Variants in NCKAP5 observed in about 807,000 individuals in gnomAD.
NCKAP5 encodes nck-associated protein 5.
NCKAP5 carries 92 observed loss-of-function variants against 167.0 expected under a neutral mutation model. The ratio of observed to expected loss-of-function variants is 0.55; its 90% confidence interval spans 0.47 to 0.66. The LOEUF (loss-of-function observed/expected upper bound fraction) is 0.66. NCKAP5 is among the 30% of genes least tolerant of loss of function. NCKAP5 has a pLI of 0.00. For synonymous variants in NCKAP5, 891 were observed against 877.4 expected (o/e 1.02, Z -0.27); for missense variants, 2,378 against 2,315.0 (o/e 1.03, Z -0.56).
chr2:132,711,377 C>A (rs963614866), intron 19 of NCKAP5, among the ~76,000 whole-genome samples: 2 of 152,160 alleles, frequency 1.3e-5, no homozygotes, highest in African/African-American at 4.8e-5. Context: ...ATCAAAAGGG[C>A]ACCTTTCAAA....
At chr2:133,241,723 C>A (rs908626716) in intron 4 of NCKAP5, among the ~76,000 whole-genome samples, 1 of 152,144 alleles carries the variant, frequency 6.6e-6, no homozygotes, top group African/African-American at 2.4e-5. Context: ...TCACATATCC[C>A]AGGAACGTGG....
In NCKAP5 at chr2:133,415,248, G is replaced by T. The variant is rs929751993; in HGVS notation, c.69+102210C>A. Among the ~76,000 whole-genome samples the T allele has an allele frequency of 4.6e-5, 7 of 152,362 alleles. No individual in the cohort carries two copies. In the Middle Eastern group the frequency reaches 0.01, roughly 222 times the overall value. The stretch of plus-strand genomic sequence containing the variant: ...TCCTTGCAAAATGCCTGCAGTCTGA[G>T]ATTTGGCTGTTGCCAGTGGCCACTA... On this transcript the variant is annotated intron_variant, in intron 3 of 19. Transcript: ENST00000409261.
At chr2:133,600,490 G>A in the NCKAP5 span, among the ~76,000 whole-genome samples, 15 of 152,328 alleles carry the variant, frequency 9.8e-5, no homozygotes, top group East Asian at 1.9e-4. Flanking sequence ...CCGTCGGGGC[G>A]CCTTTGAGAA....
chr2:133,613,676 T>C, the NCKAP5 span, among the ~76,000 whole-genome samples: 16 of 152,188 alleles, frequency 1.1e-4, no homozygotes, highest in Non-Finnish European at 1.9e-4. Context: ...AGAAATGTCC[T>C]GCACAGCCTC....
the NCKAP5 span, among the ~76,000 whole-genome samples, chr2:133,595,233 T>C: frequency 1.3e-5 from 2 of 152,248 alleles, no homozygotes; most frequent in East Asian, 1.9e-4. Flanking sequence ...ACTTTTGTTT[T>C]GTATTGTTTT....
intron 5 of NCKAP5, among the ~76,000 whole-genome samples, chr2:133,171,183 A>G (rs1165847809): frequency 1.3e-5 from 2 of 152,130 alleles, no homozygotes; most frequent in Non-Finnish European, 2.9e-5. Context: ...AAAGGCAACA[A>G]CCTGTTTTTC....
At chr2:133,078,630 G>A (rs1177324515) in intron 6 of NCKAP5, among the ~76,000 whole-genome samples, 2 of 152,072 alleles carry the variant, frequency 1.3e-5, no homozygotes, top group Non-Finnish European at 2.9e-5. Flanking sequence ...ACCAAGACAA[G>A]GAGAATGAGA....
intron 3 of NCKAP5, among the ~76,000 whole-genome samples, chr2:133,508,545 C>T (rs535325100): frequency 1.3e-5 from 2 of 152,286 alleles, no homozygotes; most frequent in South Asian, 4.1e-4. Flanking sequence ...CATTCCTGTG[C>T]TGATCAATGA....
chr2:132,909,234 T>C (rs1216388985), intron 8 of NCKAP5, among the ~76,000 whole-genome samples: 1 of 152,094 alleles, frequency 6.6e-6, no homozygotes, highest in Admixed American at 6.6e-5. Flanking sequence ...TGATCCCAGC[T>C]ACTCAGGAGG....
At chr2:133,349,756 A>G (rs2150809379) in intron 3 of NCKAP5, among the ~76,000 whole-genome samples, 1 of 152,262 alleles carries the variant, frequency 6.6e-6, no homozygotes, top group African/African-American at 2.4e-5. Context: ...TATGTCTTAA[A>G]TATCTCTTCA....
chr2:133,205,703 T>TG (rs1234449273), intron 5 of NCKAP5, among the ~76,000 whole-genome samples: 1 of 152,162 alleles, frequency 6.6e-6, no homozygotes. Context: ...ATAAATCATT[T>TG]GGGGGTAAGC....
At chr2:132,863,498 A>G (rs191811398) in intron 10 of NCKAP5, among the ~76,000 whole-genome samples, 8 of 152,114 alleles carry the variant, frequency 5.3e-5, no homozygotes, top group Non-Finnish European at 8.8e-5. Flanking sequence ...AAATCAATAT[A>G]CTTTATAGAG....
chr2:133,567,657 CTGTGTGTGTGTGTGTGTGTG>C (rs3050985), intron 1 of NCKAP5, among the ~76,000 whole-genome samples: 2 of 130,902 alleles, frequency 1.5e-5, no homozygotes, highest in Non-Finnish European at 3.3e-5. Context: ...ATGAATGAGC[CTGTGTGTGTGTGTGTGTGTG>C]TGTGTGTGTG....
At chr2:132,819,891 C>G (rs1336866821) in intron 11 of NCKAP5, among the ~76,000 whole-genome samples, 1 of 152,204 alleles carries the variant, frequency 6.6e-6, no homozygotes, top group Non-Finnish European at 1.5e-5. Context: ...AAGCTCCAGT[C>G]TGTTTTAAAG....
At chr2:132,894,805 C>T (rs1375651745) in intron 8 of NCKAP5, among the ~76,000 whole-genome samples, 2 of 152,154 alleles carry the variant, frequency 1.3e-5, no homozygotes, top group African/African-American at 4.8e-5. Flanking sequence ...GCCCTGCTCC[C>T]CAATTTCTTC....
At position 132,972,942 on chromosome 2, in the gene NCKAP5, G is replaced by C. The variant is rs2076877762; in HGVS notation, c.430-9073C>G. Among the ~76,000 whole-genome samples, 3 of 151,646 alleles carry C rather than the reference G, an allele frequency of 2.0e-5. No homozygotes were observed. In the South Asian group the frequency reaches 6.3e-4, roughly 32 times the overall value. On this transcript the variant is annotated intron_variant, in intron 7 of 19. Coordinates refer to ENST00000409261, the MANE Select transcript of NCKAP5 (RefSeq NM_207363.3). ...TTTAATTAAATAAAGAGAGAAATCT[G>C]CCCATCAGTGTCCCAAATGAGGTAG...
chr2:133,373,439 C>G (rs577486116), intron 3 of NCKAP5, among the ~76,000 whole-genome samples: 1 of 152,256 alleles, frequency 6.6e-6, no homozygotes, highest in African/African-American at 2.4e-5. Flanking sequence ...GAGAGATATT[C>G]CATGTTTATG....
chr2:133,558,550 C>T (rs1687914204), intron 2 of NCKAP5, among the ~76,000 whole-genome samples: 1 of 151,850 alleles, frequency 6.6e-6, no homozygotes, highest in Non-Finnish European at 1.5e-5. Context: ...GTCACATCCT[C>T]CCTACACCCT....
chr2:133,585,159 T>C, the NCKAP5 span, among the ~76,000 whole-genome samples: 2 of 152,152 alleles, frequency 1.3e-5, no homozygotes, highest in South Asian at 2.1e-4. Context: ...AAAATCAAGA[T>C]AAAATGAGGG....
Sources: gnomAD v4.1 joint callset for allele counts (sites outside exome capture counted in the v4.1 genomes callset) on GRCh38, gnomAD v4.1.1 for gene constraint, MANE v1.5 for transcripts, NCBI Gene and HGNC (gene_info 2026-07-23, HGNC 2026-07-21) for gene names.